The following AGBL4 variants were observed in gnomAD, a reference collection of about 807,000 sequenced individuals.
AGBL4 encodes the protein AGBL carboxypeptidase 4.
AGBL4 carries 58 observed loss-of-function variants against 66.4 expected under a neutral mutation model. That is an observed-to-expected ratio of 0.87 (90% CI 0.71 to 1.09). The LOEUF is 1.09. Ranked by LOEUF, AGBL4 falls within the 50% of genes least tolerant of loss-of-function variation. The probability of loss-of-function intolerance (pLI) is 0.00; values close to 1 mark genes in which losing one functional copy is unlikely to be tolerated. For missense variants in AGBL4, 579 were observed against 631.0 expected (o/e 0.92, Z 0.88); for synonymous variants, 234 against 222.9 (o/e 1.05, Z -0.44).
At chr1:49,298,625 C>T (rs1478630847) in intron 3 of AGBL4, among the ~76,000 whole-genome samples, 1 of 150,828 alleles carries the variant, frequency 6.6e-6, no homozygotes, top group African/African-American at 2.5e-5. Context: ...CCTGGCCTCT[C>T]CTTCCTCCCT....
At chr1:49,285,807 C>T (rs1320985265) in intron 3 of AGBL4, among the ~76,000 whole-genome samples, 1 of 152,024 alleles carries the variant, frequency 6.6e-6, no homozygotes, top group Non-Finnish European at 1.5e-5. Context: ...TACACTCTCC[C>T]TCTGAAACTA....
chr1:49,218,792 C>T (rs1649274510), intron 4 of AGBL4, among the ~76,000 whole-genome samples: 1 of 152,104 alleles, frequency 6.6e-6, no homozygotes, highest in African/African-American at 2.4e-5. Context: ...GGGAGGGACA[C>T]AGCGGGAGGT....
At chr1:48,678,240 G>C (rs993487434) in intron 6 of AGBL4, among the ~76,000 whole-genome samples, 1 of 139,788 alleles carries the variant, frequency 7.2e-6, no homozygotes, top group African/African-American at 2.6e-5. Flanking sequence ...CGCCGCCCCC[G>C]CCCTTCTGCC....
intron 2 of AGBL4, among the ~76,000 whole-genome samples, chr1:49,741,551 G>A (rs1317042113): frequency 3.3e-5 from 5 of 152,170 alleles, no homozygotes; most frequent in Admixed American, 6.5e-5. Context: ...CTCATATGAT[G>A]AGGCCAGCAT....
intron 2 of AGBL4, among the ~76,000 whole-genome samples, chr1:49,708,349 A>G (rs577115015): frequency 9.9e-5 from 15 of 151,748 alleles, no homozygotes; most frequent in Admixed American, 8.5e-4. Flanking sequence ...CAATTTGGCT[A>G]TTGATATTTG....
At chr1:49,469,610 T>TA (rs1473502505) in intron 3 of AGBL4, among the ~76,000 whole-genome samples, 2 of 151,946 alleles carry the variant, frequency 1.3e-5, no homozygotes, top group Non-Finnish European at 2.9e-5. Context: ...TGACATCTCA[T>TA]AAGACACCCC....
Position 49,922,541 on chromosome 1 carries a change from A to C in AGBL4, c.35-71023T>G, listed in dbSNP as rs1049185535. 1.4e-4 allele frequency among the ~76,000 whole-genome samples: 22 copies of C among 152,202 alleles called. 1 individual carries two copies. The highest frequency in any genetic ancestry group is 1.1e-3 in the Admixed American group (17 of 15,274). ...CCCTGCTTGCAGACGACATTATCCC[A>C]TATCTGGAAAACACCATCATCTCAG... On this transcript the variant is annotated intron_variant, in intron 1 of 13. Transcript: ENST00000371839.
intron 3 of AGBL4, among the ~76,000 whole-genome samples, chr1:49,664,060 G>C (rs1185340619): frequency 6.6e-6 from 1 of 151,762 alleles, no homozygotes; most frequent in Admixed American, 6.6e-5. Flanking sequence ...GGAGTAGAAA[G>C]GCCCAAGTAT....
chr1:49,167,205 G>A (rs1203601441), intron 4 of AGBL4, among the ~76,000 whole-genome samples: 1 of 152,046 alleles, frequency 6.6e-6, no homozygotes, highest in African/African-American at 2.4e-5. Context: ...TTTAGCTCAA[G>A]GCCAATATGT....
At chr1:48,691,482 C>CA (rs111495607) in intron 6 of AGBL4, among the ~76,000 whole-genome samples, 26 of 152,088 alleles carry the variant, frequency 1.7e-4, no homozygotes, top group African/African-American at 6.3e-4. Flanking sequence ...AGAAAGGAGG[C>CA]AGAAACCACG....
At chr1:49,593,946 T>A (rs947841804) in intron 3 of AGBL4, among the ~76,000 whole-genome samples, 8 of 152,094 alleles carry the variant, frequency 5.3e-5, no homozygotes, top group South Asian at 2.1e-4. Flanking sequence ...TACTTGTATA[T>A]GAATATAATA....
chr1:48,740,277 T>G (rs975873051), intron 6 of AGBL4, among the ~76,000 whole-genome samples: 1 of 152,162 alleles, frequency 6.6e-6, no homozygotes, highest in Non-Finnish European at 1.5e-5. Flanking sequence ...TTTTCAGGGA[T>G]GTAGCAGAAC....
intron 4 of AGBL4, among the ~76,000 whole-genome samples, chr1:49,056,201 G>A (rs1008132841): frequency 7.9e-5 from 12 of 151,826 alleles, no homozygotes; most frequent in African/African-American, 2.9e-4. Context: ...AAAATATATT[G>A]CCCAAGAGCT....
At chr1:49,246,575 G>T (rs1336916185) in intron 3 of AGBL4, among the ~76,000 whole-genome samples, 1 of 151,726 alleles carries the variant, frequency 6.6e-6, no homozygotes, top group Non-Finnish European at 1.5e-5. Flanking sequence ...CCATCTCTGG[G>T]TCTTATCTTT....
chr1:49,287,928 G>A (rs1248725918), intron 3 of AGBL4, among the ~76,000 whole-genome samples: 11 of 136,096 alleles, frequency 8.1e-5, no homozygotes, highest in South Asian at 2.7e-4. Context: ...TGTTTATTGC[G>A]GCATTATTCA....
chr1:48,613,309 GA>G (rs1341642440), intron 9 of AGBL4, among the ~76,000 whole-genome samples: 1 of 152,082 alleles, frequency 6.6e-6, no homozygotes, highest in Non-Finnish European at 1.5e-5. Flanking sequence ...AATTTTTTCA[GA>G]ATATTAATTT....
chr1:48,679,555 T>C (rs187628503), intron 6 of AGBL4, among the ~76,000 whole-genome samples: 1 of 152,214 alleles, frequency 6.6e-6, no homozygotes, highest in African/African-American at 2.4e-5. Context: ...TCAGTGTGGG[T>C]GATTTCTTTT....
rs936770579 is a variant in AGBL4, at chr1:49,037,533, C to T, written c.594+8051G>A. Reference sequence around the variant, plus strand: ...TTTCTCCTGCATCCTCTGTCACCACCCTTCCTATTTTTCTTAGGCTGACCC... The same window carrying T: ...TTTCTCCTGCATCCTCTGTCACCACTCTTCCTATTTTTCTTAGGCTGACCC... On this transcript the variant is annotated intron_variant, in intron 5 of 13. Coordinates refer to ENST00000371839, the MANE Select transcript of AGBL4 (RefSeq NM_032785.4). Among the ~76,000 whole-genome samples, 6 of 152,018 alleles carry T rather than the reference C, an allele frequency of 3.9e-5. No homozygotes were observed. In the South Asian group the frequency reaches 1.0e-3, roughly 26 times the overall value.
chr1:49,999,890 T>C (rs2148417237), intron 1 of AGBL4, among the ~76,000 whole-genome samples: 1 of 152,154 alleles, frequency 6.6e-6, no homozygotes, highest in South Asian at 2.1e-4. Flanking sequence ...TGAAACTGGA[T>C]CCTCATCTCT....
Sources: allele counts gnomAD v4.1 joint callset (sites outside exome capture counted in the v4.1 genomes callset), GRCh38; gene constraint gnomAD v4.1.1; transcripts MANE v1.5; gene names NCBI Gene and HGNC (gene_info 2026-07-23, HGNC 2026-07-21).